PPP1R14C: variants seen among roughly 807,000 people sequenced by gnomAD.
PPP1R14C encodes protein phosphatase 1 regulatory subunit 14C.
A neutral mutation model predicts 20.4 loss-of-function variants in PPP1R14C; 16 were observed. The ratio of observed to expected loss-of-function variants is 0.78; its 90% CI spans 0.53 to 1.19. PPP1R14C has a LOEUF of 1.19. Ranked by LOEUF, PPP1R14C falls within the 50% of genes most tolerant of loss-of-function variation. The probability of loss-of-function intolerance (pLI) is 0.00; values close to 1 mark genes in which losing one functional copy is unlikely to be tolerated. For missense variants in PPP1R14C, 211 were observed against 220.1 expected (o/e 0.96, Z 0.26); for synonymous variants, 91 against 91.0 (o/e 1.00, Z 0.00).
intron 1 of PPP1R14C, among the ~76,000 whole-genome samples, chr6:150,199,834 A>G (rs1374940232): frequency 1.3e-5 from 2 of 150,622 alleles, no homozygotes; most frequent in African/African-American, 2.5e-5. Flanking sequence ...GTGCCACTGT[A>G]TTATAGCCTG....
At chr6:150,167,444 G>T (rs1777436233) in intron 1 of PPP1R14C, among the ~76,000 whole-genome samples, 2 of 152,168 alleles carry the variant, frequency 1.3e-5, no homozygotes, top group South Asian at 4.1e-4. Context: ...GTATGCTGGG[G>T]TATGTTCTTG....
At chr6:150,225,940 A>G (rs1778225079) in intron 3 of PPP1R14C, among the ~76,000 whole-genome samples, 1 of 152,326 alleles carries the variant, frequency 6.6e-6, no homozygotes, top group Middle Eastern at 3.4e-3. Context: ...ACATTTAAAG[A>G]GTTGACTTTA....
At chr6:150,208,490 T>G (rs1381441572) in intron 1 of PPP1R14C, among the ~76,000 whole-genome samples, 2 of 152,172 alleles carry the variant, frequency 1.3e-5, no homozygotes, top group Non-Finnish European at 2.9e-5. Flanking sequence ...AAATATTTAA[T>G]GTTATATTAT....
At chr6:150,186,483 C>A (rs1223258576) in intron 1 of PPP1R14C, among the ~76,000 whole-genome samples, 1 of 152,176 alleles carries the variant, frequency 6.6e-6, no homozygotes, top group African/African-American at 2.4e-5. Flanking sequence ...GATCCATAGG[C>A]TTGTCATTGC....
At chr6:150,226,492 A>C (rs1018923254) in intron 3 of PPP1R14C, among the ~76,000 whole-genome samples, 1 of 152,150 alleles carries the variant, frequency 6.6e-6, no homozygotes, top group African/African-American at 2.4e-5. Flanking sequence ...CTATCTTTGC[A>C]CAGTTTCCAA....
intron 1 of PPP1R14C, among the ~76,000 whole-genome samples, chr6:150,176,782 T>A (rs996152522): frequency 6.6e-6 from 1 of 152,228 alleles, no homozygotes. Flanking sequence ...TGCAGGTGTC[T>A]GGGTTTGCAG....
intron 3 of PPP1R14C, among the ~76,000 whole-genome samples, chr6:150,222,851 A>C (rs1381879536): frequency 7.8e-6 from 1 of 127,860 alleles, no homozygotes. Flanking sequence ...TGCTCACTGC[A>C]ACCTCTGCCT....
chr6:150,195,635 C>CA (rs1364481812), intron 1 of PPP1R14C, among the ~76,000 whole-genome samples: 2 of 152,210 alleles, frequency 1.3e-5, no homozygotes, highest in African/African-American at 4.8e-5. Flanking sequence ...CCACCATGCT[C>CA]AGCCCCTTGT....
intron 3 of PPP1R14C, among the ~76,000 whole-genome samples, chr6:150,225,382 A>G (rs1281089601): frequency 6.6e-6 from 1 of 152,152 alleles, no homozygotes; most frequent in African/African-American, 2.4e-5. Flanking sequence ...CCACTCTGAG[A>G]CTAGCAATTT....
chr6:150,208,677 G>A (rs145130607), intron 1 of PPP1R14C, among the ~76,000 whole-genome samples: 156 of 152,250 alleles, frequency 1.0e-3, no homozygotes, highest in African/African-American at 3.0e-3. Context: ...ACAGATTGCC[G>A]TCTCTCAGTG....
In PPP1R14C at chr6:150,143,269, C is replaced by T; in HGVS notation, c.77C>T (p.Pro26Leu). Residue 26 changes from proline to leucine, a missense_variant, in exon 1 of 4, where the codon CCC becomes CTC. By Grantham distance (98) the Pro-to-Leu change is moderately conservative. Coordinates refer to ENST00000361131, the MANE Select transcript of PPP1R14C (RefSeq NM_030949.3). This position sits in a 1 kb window ranked among gnomAD's most constrained non-coding sequence, Gnocchi z 5.6. Reference protein sequence around the residue: ...GGGARVFFQSPRGGAGGSPGS... With the variant: ...GGGARVFFQSLRGGAGGSPGS... ...GGCGCACGGGTTTTCTTCCAAAGCC[C>T]CCGGGGTGGCGCCGGTGGCAGCCCC... 1 of 1,509,156 alleles carries T rather than the reference C, an allele frequency of 6.6e-7. No individual in the cohort carries two copies. The highest frequency in any genetic ancestry group is 2.7e-5 in the East Asian group (1 of 36,806). The allele number at this position is 1,509,156 out of a possible 1,614,324, so 93.5% of individuals were successfully genotyped here. A position where few individuals can be genotyped will look rare whatever the true frequency, so the allele number is the denominator to read the frequency against.
At chr6:150,206,791 T>A (rs1777956993) in intron 1 of PPP1R14C, among the ~76,000 whole-genome samples, 1 of 152,106 alleles carries the variant, frequency 6.6e-6, no homozygotes, top group South Asian at 2.1e-4. Context: ...ATGTAAAACA[T>A]TCCTTCACTT....
intron 1 of PPP1R14C, among the ~76,000 whole-genome samples, chr6:150,170,296 A>G (rs1582901678): frequency 6.6e-6 from 1 of 151,428 alleles, no homozygotes; most frequent in Non-Finnish European, 1.5e-5. Flanking sequence ...TACTCATTAC[A>G]CTTTTGTCAT....
chr6:150,196,603 G>A (rs1276614835), intron 1 of PPP1R14C, among the ~76,000 whole-genome samples: 1 of 152,174 alleles, frequency 6.6e-6, no homozygotes, highest in Non-Finnish European at 1.5e-5. Context: ...TGGAAACATA[G>A]ATCAGCATAA....
At chr6:150,157,468 GTTC>G (rs775490873) in intron 1 of PPP1R14C, among the ~76,000 whole-genome samples, 5 of 151,230 alleles carry the variant, frequency 3.3e-5, no homozygotes, top group Non-Finnish European at 5.9e-5. Context: ...ATACTCACAG[GTTC>G]TTTTCACATC....
chr6:150,205,791 CAAAA>C (rs61626886), intron 1 of PPP1R14C, among the ~76,000 whole-genome samples: 14 of 118,936 alleles, frequency 1.2e-4, no homozygotes, highest in South Asian at 2.8e-4. Context: ...GCCTCCGTCT[CAAAA>C]AAAAAAAAAA....
At chr6:150,159,967 G>T (rs1442470893) in intron 1 of PPP1R14C, among the ~76,000 whole-genome samples, 1 of 152,114 alleles carries the variant, frequency 6.6e-6, no homozygotes, top group Non-Finnish European at 1.5e-5. Flanking sequence ...TGACAGTATT[G>T]TGGAGTACTT....
At chr6:150,160,008 G>A (rs956921356) in intron 1 of PPP1R14C, among the ~76,000 whole-genome samples, 4 of 152,122 alleles carry the variant, frequency 2.6e-5, no homozygotes, top group African/African-American at 9.7e-5. Flanking sequence ...TCCCTCACAT[G>A]GCATTTGTCG....
At chr6:150,211,771 C>T (rs952080572) in intron 1 of PPP1R14C, among the ~76,000 whole-genome samples, 6 of 152,180 alleles carry the variant, frequency 3.9e-5, no homozygotes, top group Admixed American at 1.3e-4. Context: ...GGTTTTGTTT[C>T]AGCTTCACTG....
Sources: allele counts gnomAD v4.1 joint callset (sites outside exome capture counted in the v4.1 genomes callset), GRCh38; gene constraint gnomAD v4.1.1; non-coding constraint Gnocchi (gnomAD v3.1); transcripts MANE v1.5; gene names NCBI Gene and HGNC (gene_info 2026-07-23, HGNC 2026-07-21).